The following ZBTB20 variants were observed in gnomAD, a reference collection of about 807,000 sequenced individuals.
ZBTB20 encodes zinc finger and BTB domain-containing protein 20.
Under a neutral mutation model 56.9 loss-of-function variants are expected in ZBTB20, and 9 were observed. The ratio of observed to expected loss-of-function variants is 0.16; its 90% confidence interval spans 0.10 to 0.28. The LOEUF is 0.28. Among genes scored for constraint, ZBTB20 ranks in the 10% least tolerant of loss-of-function variants. The pLI is 1.00. For missense variants in ZBTB20, 655 were observed against 1,003.0 expected, an observed-to-expected ratio of 0.65 and a Z score of 4.69; for synonymous variants, 417 against 420.7, an observed-to-expected ratio of 0.99 and a Z score of 0.11.
chr3:114,726,268 A>G (rs1033805824), intron 5 of ZBTB20, among the ~76,000 whole-genome samples: 3 of 152,170 alleles, frequency 2.0e-5, no homozygotes, highest in African/African-American at 7.2e-5. Flanking sequence ...GTCAAAGTTA[A>G]AAAGTGTTTA....
chr3:114,556,277 T>C (rs2051213638), intron 6 of ZBTB20, among the ~76,000 whole-genome samples: 1 of 152,044 alleles, frequency 6.6e-6, no homozygotes, highest in African/African-American at 2.4e-5. Flanking sequence ...GACGATTTCC[T>C]TGAAGTCCCC....
At chr3:115,003,019 C>G (rs752118270) in intron 2 of ZBTB20, among the ~76,000 whole-genome samples, 32 of 151,530 alleles carry the variant, frequency 2.1e-4, no homozygotes, top group Non-Finnish European at 4.3e-4. Flanking sequence ...ACAGGGAAAC[C>G]TTAAGTGCAT....
At chr3:114,812,123 T>C (rs1469613886) in intron 4 of ZBTB20, among the ~76,000 whole-genome samples, 1 of 151,736 alleles carries the variant, frequency 6.6e-6, no homozygotes, top group Non-Finnish European at 1.5e-5. Context: ...TTGCAAAGAG[T>C]GAAAGAACAA....
At chr3:114,393,896 C>T (rs968623896) in intron 7 of ZBTB20, among the ~76,000 whole-genome samples, 1 of 152,112 alleles carries the variant, frequency 6.6e-6, no homozygotes, top group South Asian at 2.1e-4. Flanking sequence ...TCATTGTTGG[C>T]GTTTCTGCAG....
chr3:114,514,185 G>C (rs1055031880), intron 6 of ZBTB20, among the ~76,000 whole-genome samples: 2 of 152,004 alleles, frequency 1.3e-5, no homozygotes, highest in Non-Finnish European at 2.9e-5. Context: ...ATTTAACAAA[G>C]GATTTATATT....
chr3:114,733,880 A>G (rs2065939242), intron 5 of ZBTB20, among the ~76,000 whole-genome samples: 1 of 152,144 alleles, frequency 6.6e-6, no homozygotes, highest in South Asian at 2.1e-4. Flanking sequence ...GTCTATGTAC[A>G]ATACGGAATT....
At chr3:114,777,970 T>C (rs1054228785) in intron 5 of ZBTB20, among the ~76,000 whole-genome samples, 5 of 151,176 alleles carry the variant, frequency 3.3e-5, no homozygotes, top group Non-Finnish European at 5.9e-5. Flanking sequence ...CTGGAAACCA[T>C]CATTCTCAGC....
chr3:114,718,921 T>C (rs2064707576), intron 5 of ZBTB20, among the ~76,000 whole-genome samples: 1 of 152,014 alleles, frequency 6.6e-6, no homozygotes, highest in South Asian at 2.1e-4. Flanking sequence ...GTATTTATTA[T>C]TTTGTATGTG....
At position 114,420,814 on chromosome 3, in the gene ZBTB20, A is replaced by G. The variant is rs1345331996; in HGVS notation, c.-254-31709T>C. 2.6e-5 allele frequency among the ~76,000 whole-genome samples: 4 copies of G among 152,276 alleles called. No individual in the cohort carries two copies. In the East Asian group the frequency reaches 7.7e-4, roughly 29 times the overall value. On this transcript the variant is annotated intron_variant, in intron 7 of 11. Coordinates refer to ENST00000675478, the MANE Select transcript of ZBTB20 (RefSeq NM_001348800.3). ...TGGCCTTTATGAGGTGGAAGTCACTATTAGACTCTATAACTGAATAACAGA... is the reference window on the plus strand; with the variant it reads ...TGGCCTTTATGAGGTGGAAGTCACTGTTAGACTCTATAACTGAATAACAGA...
rs1205790837 is a variant in ZBTB20 at position 114,320,477 on chromosome 3, G to C, written c.*18528C>G. 1 of 152,098 alleles carries C rather than the reference G, an allele frequency of 6.6e-6. No individual in the cohort carries two copies. Among genetic ancestry groups the C allele is most frequent in the East Asian group, 1.9e-4 (1 of 5,192 alleles). The allele number at this position is 152,098 out of a possible 1,614,324, so 9.4% of individuals were successfully genotyped here. A position where few individuals can be genotyped will look rare whatever the true frequency, so the allele number is the denominator to read the frequency against. ...AACAAATAGACAAACAAGAATTATA[G>C]AACATAAGTATGAAGGAGCCAAGAT... On this transcript the variant is annotated 3_prime_UTR_variant, in exon 12 of 12. Transcript: ENST00000675478.
At chr3:114,370,093 T>C (rs1044681774) in intron 10 of ZBTB20, among the ~76,000 whole-genome samples, 1 of 152,184 alleles carries the variant, frequency 6.6e-6, no homozygotes, top group Non-Finnish European at 1.5e-5. Context: ...TGCCTTCAAA[T>C]TCCTTTCACA....
chr3:114,530,382 T>A (rs1181380787), intron 6 of ZBTB20, among the ~76,000 whole-genome samples: 1 of 152,206 alleles, frequency 6.6e-6, no homozygotes, highest in Non-Finnish European at 1.5e-5. Context: ...TAACATGCTG[T>A]GCAGGTTTGA....
chr3:114,723,673 T>C (rs952391145), intron 5 of ZBTB20, among the ~76,000 whole-genome samples: 1 of 152,184 alleles, frequency 6.6e-6, no homozygotes, highest in Non-Finnish European at 1.5e-5. Context: ...CATAAGTGAT[T>C]TGAATGTGCA....
chr3:114,498,321 C>T (rs1481108820), intron 7 of ZBTB20, among the ~76,000 whole-genome samples: 2 of 152,150 alleles, frequency 1.3e-5, no homozygotes, highest in Non-Finnish European at 2.9e-5. Flanking sequence ...GATTGTGATA[C>T]TGGACTAAAT....
chr3:115,001,632 A>C (rs996350898), intron 2 of ZBTB20, among the ~76,000 whole-genome samples: 7 of 151,452 alleles, frequency 4.6e-5, no homozygotes, highest in African/African-American at 1.7e-4. Flanking sequence ...AATTGAAAGC[A>C]CAACACCTAC....
At chr3:114,441,323 T>C (rs1368906686) in intron 7 of ZBTB20, among the ~76,000 whole-genome samples, 5 of 152,204 alleles carry the variant, frequency 3.3e-5, no homozygotes, top group African/African-American at 9.7e-5. Flanking sequence ...TAGTTATTCA[T>C]GCTGTTTTTT....
chr3:114,609,610 T>G (rs1434658985), intron 6 of ZBTB20, among the ~76,000 whole-genome samples: 4 of 152,214 alleles, frequency 2.6e-5, no homozygotes, highest in Non-Finnish European at 5.9e-5. Context: ...TAGAGAGTTG[T>G]AGGGATATAA....
At chr3:114,672,988 C>A (rs1432519794) in intron 6 of ZBTB20, among the ~76,000 whole-genome samples, 1 of 152,114 alleles carries the variant, frequency 6.6e-6, no homozygotes, top group Non-Finnish European at 1.5e-5. Context: ...TAAACTCACT[C>A]CCAAGTGATT....
At chr3:114,931,282 A>C (rs982238300) in intron 3 of ZBTB20, 2 of 195,354 alleles carry the variant, frequency 1.0e-5, no homozygotes, top group African/African-American at 4.7e-5. Context: ...TGAAGAGAGT[A>C]AAGAAAATCA....
Sources: allele counts gnomAD v4.1 joint callset (sites outside exome capture counted in the v4.1 genomes callset), GRCh38; gene constraint gnomAD v4.1.1; transcripts MANE v1.5; gene names NCBI Gene and HGNC (gene_info 2026-07-23, HGNC 2026-07-21).